The following NFIA variants were observed in gnomAD, a reference collection of about 807,000 sequenced individuals.
The protein encoded by NFIA is nuclear factor I A.
A neutral mutation model predicts 62.8 loss-of-function variants in NFIA; 8 were observed. That is an observed-to-expected ratio of 0.13 (90% CI 0.07 to 0.23). The LOEUF (loss-of-function observed/expected upper bound fraction) is 0.23. Among genes scored for constraint, NFIA ranks in the 10% least tolerant of loss-of-function variants. The probability of loss-of-function intolerance (pLI) is 1.00; values close to 1 mark genes in which losing one functional copy is unlikely to be tolerated. For missense variants in NFIA, 410 were observed against 642.1 expected (o/e 0.64, Z 3.91); for synonymous variants, 235 against 238.1 (o/e 0.99, Z 0.12).
At position 61,327,192 on chromosome 1, in the gene NFIA, AG is replaced by A. The variant is rs745379498; in HGVS notation, c.626-5319del. On this transcript the variant is annotated intron_variant, in intron 3 of 10. Transcript: ENST00000403491. ...AACTATATTGCTGCAAATGAGACAG[AG>A]AGACAGAAATAAGAAGTTCTGTCAA... Among the ~76,000 whole-genome samples, 5 of 150,612 alleles carry A rather than the reference AG, an allele frequency of 3.3e-5. No homozygotes were observed. The East Asian group carries it at 5.8e-4, about 17-fold the overall frequency.
chr1:61,122,969 C>A (rs1642250862), intron 2 of NFIA, among the ~76,000 whole-genome samples: 1 of 152,278 alleles, frequency 6.6e-6, no homozygotes, highest in South Asian at 2.1e-4. Flanking sequence ...GTCCATGTAT[C>A]CAGGAGAAAT....
chr1:61,350,803 A>G (rs1662510033), intron 4 of NFIA, among the ~76,000 whole-genome samples: 2 of 152,268 alleles, frequency 1.3e-5, no homozygotes, highest in Admixed American at 6.5e-5. Context: ...GAAGTCCTCC[A>G]TCCCTTTCAG....
chr1:61,332,611 G>T, intron 4 of NFIA, 25 bp downstream of exon 4: 1 of 1,605,436 alleles, frequency 6.2e-7, no homozygotes, highest in Non-Finnish European at 8.5e-7. Context: ...GCTTTGATTT[G>T]GTACAGATTT....
intron 7 of NFIA, among the ~76,000 whole-genome samples, chr1:61,400,111 C>T (rs1423361313): frequency 6.6e-6 from 1 of 152,188 alleles, no homozygotes; most frequent in African/African-American, 2.4e-5. Flanking sequence ...ACCAACCTGA[C>T]TGACCTGCTT....
rs1156842317 is a variant in NFIA, at chr1:61,462,145, G to T, written c.*6825G>T. 1.3e-5 allele frequency: 2 copies of T among 151,044 alleles called. No individual in the cohort carries two copies. Among genetic ancestry groups the T allele is most frequent in the African/African-American group, 4.9e-5 (2 of 41,026 alleles). 9.4% of individuals were successfully genotyped at this position (151,044 alleles called of 1,614,324 possible). A position where few individuals can be genotyped will look rare whatever the true frequency, so the allele number is the denominator to read the frequency against. On this transcript the variant is annotated 3_prime_UTR_variant, in exon 11 of 11. Coordinates refer to ENST00000403491, the MANE Select transcript of NFIA (RefSeq NM_001134673.4). ...GAGGCTTGAGAGAACTAACGGCTCG[G>T]TGCCTTCTCCCTGGTCTCAGACCAT...
chr1:61,169,799 T>A (rs17121764), intron 2 of NFIA, among the ~76,000 whole-genome samples: 1 of 152,190 alleles, frequency 6.6e-6, no homozygotes, highest in Non-Finnish European at 1.5e-5. Flanking sequence ...TGGTGTTCTC[T>A]GTGAATCCTG....
chr1:61,402,422 T>G (rs1044341496), intron 7 of NFIA, among the ~76,000 whole-genome samples: 7 of 152,278 alleles, frequency 4.6e-5, no homozygotes, highest in African/African-American at 1.7e-4. Context: ...TTATTCTATG[T>G]TTAACGGTAT....
chr1:61,339,762 T>C (rs1661801540), intron 4 of NFIA, among the ~76,000 whole-genome samples: 1 of 143,436 alleles, frequency 7.0e-6, no homozygotes, highest in African/African-American at 2.6e-5. Flanking sequence ...TTCTGAATCC[T>C]AGCTCACAGT....
At chr1:61,139,501 C>T (rs765225707) in intron 2 of NFIA, among the ~76,000 whole-genome samples, 6 of 152,086 alleles carry the variant, frequency 3.9e-5, no homozygotes, top group Non-Finnish European at 7.4e-5. Flanking sequence ...ATCTATTTTG[C>T]GGATCAGAAA....
intron 2 of NFIA, among the ~76,000 whole-genome samples, chr1:61,142,900 C>T (rs1647647372): frequency 6.6e-6 from 1 of 152,122 alleles, no homozygotes; most frequent in African/African-American, 2.4e-5. Context: ...AACAGTGCAG[C>T]CTCTCTTCTG....
chr1:61,185,077 T>C (rs1394050551), intron 2 of NFIA, among the ~76,000 whole-genome samples: 1 of 152,218 alleles, frequency 6.6e-6, no homozygotes, highest in Non-Finnish European at 1.5e-5. Flanking sequence ...ATTCCAAATA[T>C]GAAAATTTGG....
Position 61,383,301 on chromosome 1 carries a change from A to G in NFIA, c.1011A>G (p.Ser337=). 1 of 1,614,060 alleles carries G rather than the reference A, an allele frequency of 6.2e-7. No homozygotes were observed. Among genetic ancestry groups the G allele is most frequent in the Non-Finnish European group, 8.5e-7 (1 of 1,179,934 alleles). Residue 337 remains serine (S), a synonymous_variant, in exon 7 of 11, where the codon TCA becomes TCG. Transcript: ENST00000403491. ...CTGGTTTCAGCAGCCCCTCCCCTTCACAGACCTCCTCCCTGGGAACGGCGT... is the reference window on the plus strand; with the variant it reads ...CTGGTTTCAGCAGCCCCTCCCCTTCGCAGACCTCCTCCCTGGGAACGGCGT... The part of the protein sequence containing the change: ...EKSGFSSPSP[S]QTSSLGTAFT...
At chr1:61,163,525 T>C (rs989248019) in intron 2 of NFIA, among the ~76,000 whole-genome samples, 2 of 152,196 alleles carry the variant, frequency 1.3e-5, no homozygotes, top group African/African-American at 4.8e-5. Context: ...ATAGTAGCTA[T>C]TTTTATCATT....
At chr1:61,119,568 T>G (rs1415508592) in intron 2 of NFIA, among the ~76,000 whole-genome samples, 1 of 152,208 alleles carries the variant, frequency 6.6e-6, no homozygotes, top group Non-Finnish European at 1.5e-5. Flanking sequence ...TTAAATAATT[T>G]GTATGACTGA....
chr1:61,190,478 G>A (rs1651541563), intron 2 of NFIA, among the ~76,000 whole-genome samples: 1 of 152,186 alleles, frequency 6.6e-6, no homozygotes, highest in Non-Finnish European at 1.5e-5. Context: ...GTGGCTTCCA[G>A]TATTTTCCTT....
At chr1:61,441,331 G>GTGTGTGTGTCTGTC (rs1360188951) in intron 10 of NFIA, among the ~76,000 whole-genome samples, 36 of 142,446 alleles carry the variant, frequency 2.5e-4, no homozygotes, top group African/African-American at 4.6e-4. Flanking sequence ...GTGTGTGTGT[G>GTGTGTGTGTCTGTC]TGTCTGTCTG....
intron 3 of NFIA, among the ~76,000 whole-genome samples, chr1:61,292,353 T>C (rs1475799991): frequency 1.3e-5 from 2 of 152,148 alleles, no homozygotes; most frequent in Admixed American, 1.3e-4. Context: ...AATGAATGAA[T>C]CTTGTGTTCA....
At chr1:61,291,534 G>C (rs1658881525) in intron 3 of NFIA, among the ~76,000 whole-genome samples, 1 of 152,176 alleles carries the variant, frequency 6.6e-6, no homozygotes, top group Non-Finnish European at 1.5e-5. Context: ...GTTTGAATAT[G>C]TTAATTTGAT....
intron 3 of NFIA, among the ~76,000 whole-genome samples, chr1:61,314,670 C>T: frequency 6.6e-6 from 1 of 152,164 alleles, no homozygotes; most frequent in Middle Eastern, 3.2e-3. Flanking sequence ...ACTTGACTTC[C>T]TATCCATAGG....
Sources: allele counts gnomAD v4.1 joint callset (sites outside exome capture counted in the v4.1 genomes callset), GRCh38; gene constraint gnomAD v4.1.1; transcripts MANE v1.5; gene names NCBI Gene and HGNC (gene_info 2026-07-23, HGNC 2026-07-21).